The following POMK variants were observed in gnomAD, a reference collection of about 807,000 sequenced individuals.
POMK encodes the protein protein O-mannose kinase.
POMK carries 19 observed loss-of-function variants against 23.0 expected under a neutral mutation model. That is an observed-to-expected ratio of 0.83 (90% CI 0.58 to 1.21). POMK has a LOEUF of 1.21. Among genes scored for constraint, POMK ranks in the 50% most tolerant of loss-of-function variants. POMK has a pLI of 0.00. For synonymous variants in POMK, 173 were observed against 171.6 expected (o/e 1.01, Z -0.06); for missense variants, 410 against 431.3 (o/e 0.95, Z 0.44).
intron 1 of POMK, among the ~76,000 whole-genome samples, chr8:43,094,338 A>G (rs1413962554): frequency 6.6e-6 from 1 of 151,534 alleles, no homozygotes; most frequent in African/African-American, 2.4e-5. Context: ...GGTCCGGCAG[A>G]GGCTGTCTCT....
At chr8:43,115,317 A>C (rs1330220626) in intron 4 of POMK, among the ~76,000 whole-genome samples, 2 of 152,098 alleles carry the variant, frequency 1.3e-5, no homozygotes, top group African/African-American at 2.4e-5. Context: ...ATCTGTGCAG[A>C]GACTGCTTCC....
At chr8:43,120,911 A>G (rs907002118) in intron 4 of POMK, among the ~76,000 whole-genome samples, 3 of 152,116 alleles carry the variant, frequency 2.0e-5, no homozygotes, top group African/African-American at 7.2e-5. Flanking sequence ...TCCTGACCTC[A>G]GGTGATCCAC....
intron 4 of POMK, among the ~76,000 whole-genome samples, chr8:43,107,069 G>A (rs1007149445): frequency 6.6e-6 from 1 of 152,110 alleles, no homozygotes; most frequent in Admixed American, 6.5e-5. Context: ...TTTTAGTACA[G>A]CATTTAAACA....
rs183370737 is a variant in POMK, at chr8:43,101,241, C to T, written c.-117-1264C>T. Among the ~76,000 whole-genome samples the T allele has an allele frequency of 6.0e-3, 910 of 151,738 alleles. 4 individuals are homozygous for T. The highest frequency in any genetic ancestry group is 9.2e-3 in the Non-Finnish European group (626 of 67,890). On this transcript the variant is annotated intron_variant, in intron 2 of 4. Transcript: ENST00000331373. ...AGTTCAAGGCCAGCCTGAGCAACAT[C>T]GTGAGACCCAGTCTCTACAAAAAAA...
At position 43,122,411 on chromosome 8, in the gene POMK, C is replaced by T; in HGVS notation, c.587C>T (p.Pro196Leu). The change falls in exon 5 of 5, where the codon CCT (proline) becomes CTT (leucine). Residue 196 changes from proline (P) to leucine (L), a missense_variant. Transcript: ENST00000331373. ...VSIINYLHHS[P>L]VGTRVMCDSN... The stretch of plus-strand genomic sequence containing the variant: ...ATCATTAATTACCTGCACCACAGCC[C>T]TGTGGGCACACGGGTCATGTGCGAC... 1.9e-6 allele frequency: 3 copies of T among 1,614,098 alleles called. No individual in the cohort carries two copies. Among genetic ancestry groups the T allele is most frequent in the East Asian group, 2.2e-5 (1 of 44,892 alleles).
At chr8:43,120,794 C>G (rs1811902189) in intron 4 of POMK, among the ~76,000 whole-genome samples, 1 of 151,968 alleles carries the variant, frequency 6.6e-6, no homozygotes, top group Non-Finnish European at 1.5e-5. Flanking sequence ...TCTCCTGCCT[C>G]AGCCTCCCAG....
At position 43,121,705 on chromosome 8, in the gene POMK, C is replaced by G. The variant is rs1811919438; in HGVS notation, c.283-402C>G. Among the ~76,000 whole-genome samples, 2 of 152,204 alleles carry G rather than the reference C, an allele frequency of 1.3e-5. 1 individual carries two copies. The highest frequency in any genetic ancestry group is 1.3e-4 in the Admixed American group (2 of 15,286). Reference sequence around the variant, plus strand: ...GTGGTGGTCCATTGGAACTGGCAGTCTACTTGCCACTCCTCCCTGCCATGC... The same window carrying G: ...GTGGTGGTCCATTGGAACTGGCAGTGTACTTGCCACTCCTCCCTGCCATGC... On this transcript the variant is annotated intron_variant, in intron 4 of 4. Transcript: ENST00000331373.
At chr8:43,095,494 G>A (rs1811315759) in intron 1 of POMK, among the ~76,000 whole-genome samples, 1 of 152,168 alleles carries the variant, frequency 6.6e-6, no homozygotes, top group African/African-American at 2.4e-5. Context: ...AAGGTTTTCT[G>A]AGTAATGCTG....
intron 4 of POMK, among the ~76,000 whole-genome samples, chr8:43,113,984 G>A (rs1811738639): frequency 6.6e-6 from 1 of 152,168 alleles, no homozygotes; most frequent in African/African-American, 2.4e-5. Flanking sequence ...TTGTCTCAGA[G>A]GAGTACCCGG....
chr8:43,105,092 G>T (rs1811519792), intron 4 of POMK, among the ~76,000 whole-genome samples: 1 of 152,068 alleles, frequency 6.6e-6, no homozygotes, highest in Non-Finnish European at 1.5e-5. Flanking sequence ...TATTTATGGG[G>T]TACACAGTGA....
rs776753930 is a variant in POMK, at chr8:43,122,561, A to G, written c.737A>G (p.His246Arg). ...HSSGMLVKCG[H>R]RELHGDFVAP... ...TCCGGGATGCTGGTGAAGTGCGGCCACAGGGAGCTGCATGGGGATTTCGTG... is the reference window on the plus strand; with the variant it reads ...TCCGGGATGCTGGTGAAGTGCGGCCGCAGGGAGCTGCATGGGGATTTCGTG... Residue 246 changes from histidine (H) to arginine (R), a missense_variant, in exon 5 of 5, where the codon CAC becomes CGC. Coordinates refer to ENST00000331373, the MANE Select transcript of POMK (RefSeq NM_032237.5). 20 of 1,614,192 alleles carry G rather than the reference A, an allele frequency of 1.2e-5. No homozygotes were observed. The highest frequency in any genetic ancestry group is 1.6e-5 in the Non-Finnish European group (19 of 1,180,040).
In POMK at chr8:43,109,392, A is replaced by G. The variant is rs539872924; in HGVS notation, c.282+5562A>G. ...AAAAGGTAAATAAAAACCTTTCATT[A>G]TCTTTTAATATTCCATAAAAATCCT... On this transcript the variant is annotated intron_variant, in intron 4 of 4. Transcript: ENST00000331373. Among the ~76,000 whole-genome samples the G allele has an allele frequency of 6.6e-5, 10 of 152,226 alleles. No homozygotes were observed. The South Asian group carries it at 1.9e-3, about 28-fold the overall frequency.
chr8:43,107,697 T>G (rs1586673557), intron 4 of POMK, among the ~76,000 whole-genome samples: 1 of 137,204 alleles, frequency 7.3e-6, no homozygotes, highest in Non-Finnish European at 1.6e-5. Context: ...TTTTTTTTGG[T>G]AGAGATGGAG....
chr8:43,103,589 C>G lies in POMK; in HGVS notation c.41C>G (p.Pro14Arg). The change falls in exon 4 of 5, where the codon CCC becomes CGC. Residue 14 changes from proline to arginine, a missense_variant. By Grantham distance (103) the Pro-to-Arg change is moderately radical. Coordinates refer to ENST00000331373, the MANE Select transcript of POMK (RefSeq NM_032237.5). ...CAGAACAGCAGGAGAGGCCTCGCCCCCCGAGAGGTGCCGCCAGCTGTTGGG... is the reference window on the plus strand; with the variant it reads ...CAGAACAGCAGGAGAGGCCTCGCCCGCCGAGAGGTGCCGCCAGCTGTTGGG... The part of the protein sequence containing the change: ...QPQNSRRGLA[P>R]REVPPAVGLL... 6.2e-7 allele frequency: 1 copy of G among 1,613,564 alleles called. No homozygotes were observed. Among genetic ancestry groups the G allele is most frequent in the Non-Finnish European group, 8.5e-7 (1 of 1,179,876 alleles).
chr8:43,117,969 A>G (rs1811831710), intron 4 of POMK, among the ~76,000 whole-genome samples: 1 of 152,246 alleles, frequency 6.6e-6, no homozygotes, highest in Non-Finnish European at 1.5e-5. Flanking sequence ...CATTGTCATT[A>G]GAAAAGGGAC....
intron 4 of POMK, among the ~76,000 whole-genome samples, chr8:43,118,161 C>T (rs1811835046): frequency 6.6e-6 from 1 of 152,036 alleles, no homozygotes; most frequent in African/African-American, 2.4e-5. Context: ...GTAGTAGTAT[C>T]TGTAAAAGCT....
chr8:43,113,873 C>T (rs938722620), intron 4 of POMK, among the ~76,000 whole-genome samples: 1 of 152,240 alleles, frequency 6.6e-6, no homozygotes, highest in African/African-American at 2.4e-5. Context: ...GCTAGAGGTC[C>T]ACTCCAGACC....
Position 43,103,652 on chromosome 8 carries a change from A to G in POMK, c.104A>G (p.Tyr35Cys), listed in dbSNP as rs1441812983. The G allele has an allele frequency of 3.1e-6, 5 of 1,613,396 alleles. No homozygotes were observed. In the African/African-American group the frequency reaches 4.0e-5, roughly 13 times the overall value. Residue 35 changes from tyrosine to cysteine, a missense_variant, in exon 4 of 5, where the codon TAC becomes TGC. Coordinates refer to ENST00000331373, the MANE Select transcript of POMK (RefSeq NM_032237.5). Reference sequence around the variant, plus strand: ...ATGGCCCTGATGAATACTCTGCTCTACCTCTGCCTCGACCACTTCTTCATC... The same window carrying G: ...ATGGCCCTGATGAATACTCTGCTCTGCCTCTGCCTCGACCACTTCTTCATC... ...LIMALMNTLL[Y>C]LCLDHFFIAP...
chr8:43,100,197 A>G (rs1009572505), intron 2 of POMK, among the ~76,000 whole-genome samples: 1 of 151,962 alleles, frequency 6.6e-6, no homozygotes, highest in African/African-American at 2.4e-5. Flanking sequence ...GAGCCGGGAG[A>G]GACTGGAGCT....
Sources: gnomAD v4.1 joint callset for allele counts (sites outside exome capture counted in the v4.1 genomes callset) on GRCh38, gnomAD v4.1.1 for gene constraint, MANE v1.5 for transcripts, NCBI Gene and HGNC (gene_info 2026-07-23, HGNC 2026-07-21) for gene names.